The following POLR3B variants were observed in gnomAD, a reference collection of about 807,000 sequenced individuals.
POLR3B encodes the protein DNA-directed RNA polymerase III subunit RPC2.
POLR3B carries 96 observed loss-of-function variants against 147.4 expected under a neutral mutation model. That is an observed-to-expected ratio of 0.65 (90% CI 0.55 to 0.77). The LOEUF is 0.77. Among genes scored for constraint, POLR3B ranks in the 30% least tolerant of loss-of-function variants. The pLI is 0.00. For missense variants in POLR3B, 1,036 were observed against 1,413.5 expected, an observed-to-expected ratio of 0.73 and a Z score of 4.28; for synonymous variants, 461 against 485.9, an observed-to-expected ratio of 0.95 and a Z score of 0.67.
intron 20 of POLR3B, among the ~76,000 whole-genome samples, chr12:106,456,406 C>T (rs371983512): frequency 1.3e-5 from 2 of 152,120 alleles, no homozygotes; most frequent in East Asian, 1.9e-4. Flanking sequence ...GCCTTTCCCT[C>T]ATCCACTAGA....
intron 23 of POLR3B, among the ~76,000 whole-genome samples, chr12:106,464,068 G>T (rs552127175): frequency 2.0e-5 from 3 of 152,072 alleles, no homozygotes; most frequent in South Asian, 4.1e-4. Context: ...TTCAGACCCC[G>T]CATTTTCAGT....
intron 12 of POLR3B, among the ~76,000 whole-genome samples, chr12:106,426,432 G>A (rs936004233): frequency 1.1e-4 from 16 of 151,816 alleles, no homozygotes; most frequent in African/African-American, 3.6e-4. Flanking sequence ...TGTATTTTTA[G>A]TAGAGACAGG....
At chr12:106,459,436 G>C (rs2037907606) in intron 22 of POLR3B, 68 bp downstream of exon 22, 3 of 887,312 alleles carry the variant, frequency 3.4e-6, no homozygotes, top group Non-Finnish European at 5.8e-6. Context: ...GGAGAAATTC[G>C]AAGTTAGGTC....
intron 1 of POLR3B, among the ~76,000 whole-genome samples, 192 bp from the exon 2 acceptor site, chr12:106,363,678 C>T (rs1041461720): frequency 2.0e-5 from 3 of 152,170 alleles, no homozygotes; most frequent in Non-Finnish European, 2.9e-5. Context: ...GTTTAGGAAA[C>T]CTGTAGTGTA....
chr12:106,419,122 A>G (rs1405686919), intron 12 of POLR3B, among the ~76,000 whole-genome samples: 7 of 152,172 alleles, frequency 4.6e-5, no homozygotes, highest in African/African-American at 1.7e-4. Flanking sequence ...TTCCACAGGA[A>G]GTTGCTGGAA....
intron 12 of POLR3B, among the ~76,000 whole-genome samples, chr12:106,424,341 A>G (rs966237502): frequency 2.6e-5 from 4 of 152,148 alleles, no homozygotes; most frequent in Non-Finnish European, 5.9e-5. Context: ...TTTTTGTGCC[A>G]TTGAAATTGA....
At chr12:106,402,406 A>G (rs1179953523) in intron 10 of POLR3B, among the ~76,000 whole-genome samples, 4 of 152,334 alleles carry the variant, frequency 2.6e-5, no homozygotes, top group East Asian at 1.9e-4. Context: ...TATAGATTCA[A>G]TGCCATCCCC....
chr12:106,477,891 C>CTTTTTTT lies in POLR3B; in HGVS notation c.2713+14295_2713+14301dup, dbSNP rs34915594. The stretch of plus-strand genomic sequence containing the variant: ...CTATTCGGCCATCTTGGCTCCTCCC[C>CTTTTTTT]TTTTTTTTTTTTTTTTTTTTTTTTT... On this transcript the variant is annotated intron_variant, in intron 23 of 27. Transcript: ENST00000228347. 4.8e-3 allele frequency among the ~76,000 whole-genome samples: 337 copies of CTTTTTTT among 70,540 alleles called. 43 individuals are homozygous for CTTTTTTT. The highest frequency in any genetic ancestry group is 0.011 in the South Asian group (16 of 1,444). 46.3% of individuals were successfully genotyped at this position (70,540 alleles called of 152,430 possible). A position where few individuals can be genotyped will look rare whatever the true frequency, so the allele number is the denominator to read the frequency against.
At chr12:106,387,034 A>G (rs1458902986) in intron 9 of POLR3B, among the ~76,000 whole-genome samples, 1 of 152,238 alleles carries the variant, frequency 6.6e-6, no homozygotes, top group Non-Finnish European at 1.5e-5. Flanking sequence ...GTAAATTAAC[A>G]ATATGCATAT....
chr12:106,484,152 A>G (rs1592768336), intron 23 of POLR3B, among the ~76,000 whole-genome samples: 1 of 152,258 alleles, frequency 6.6e-6, no homozygotes, highest in Middle Eastern at 3.4e-3. Context: ...GATGTGAAAG[A>G]AAAACAGGGG....
At chr12:106,358,211 C>G in intron 1 of POLR3B, 1 of 1,411,018 alleles carries the variant, frequency 7.1e-7, no homozygotes. Flanking sequence ...GGTTGGAGCT[C>G]TTCCAGCATA....
chr12:106,369,678 C>A lies in POLR3B; in HGVS notation c.399C>A (p.Ile133=). The change falls in exon 6 of 28, where the codon ATC becomes ATA. Residue 133 remains isoleucine (I), a synonymous_variant. Coordinates refer to ENST00000228347, the MANE Select transcript of POLR3B (RefSeq NM_018082.6). The stretch of plus-strand genomic sequence containing the variant: ...GGATCATCCGCAATGCCTTACCTAT[C>A]GGCAGGTGAGAAATGAAATCCGTAT... ...SQRIIRNALP[I]GRMPIMLRSS... 1.9e-6 allele frequency: 3 copies of A among 1,599,066 alleles called. No individual in the cohort carries two copies. Among genetic ancestry groups the A allele is most frequent in the Non-Finnish European group, 1.7e-6 (2 of 1,166,472 alleles).
intron 9 of POLR3B, among the ~76,000 whole-genome samples, chr12:106,385,350 G>A (rs901293048): frequency 2.0e-5 from 3 of 152,146 alleles, no homozygotes; most frequent in Non-Finnish European, 4.4e-5. Flanking sequence ...TTGATAACCA[G>A]TTTAGTTGAA....
chr12:106,410,702 T>C, intron 11 of POLR3B, 124 bp from the exon 12 acceptor site: 1 of 852,498 alleles, frequency 1.2e-6, no homozygotes, highest in Admixed American at 2.1e-5. Context: ...TTTATTTGAA[T>C]GGAGAGAATC....
At chr12:106,434,389 G>A (rs1231677483) in intron 16 of POLR3B, among the ~76,000 whole-genome samples, 1 of 152,118 alleles carries the variant, frequency 6.6e-6, no homozygotes, top group African/African-American at 2.4e-5. Context: ...TTTAAAGGAG[G>A]AGTAGGATTG....
intron 23 of POLR3B, among the ~76,000 whole-genome samples, chr12:106,490,409 G>A (rs1316352085): frequency 6.6e-6 from 1 of 152,196 alleles, no homozygotes; most frequent in African/African-American, 2.4e-5. Flanking sequence ...TGGGAAAGCC[G>A]TGTAAAAACT....
rs200535633 is a variant in POLR3B, at chr12:106,417,831, T to TA, written c.1101+6879dup. On this transcript the variant is annotated intron_variant, in intron 12 of 27. Transcript: ENST00000228347. ...AAACCATGGTGTTAAATGAGTCCAT[T>TA]AAAAAAAAGTTGATTGTTTAGAGGA... Among the ~76,000 whole-genome samples, 885 of 151,882 alleles carry TA rather than the reference T, an allele frequency of 5.8e-3. 11 individuals are homozygous for TA. The highest frequency in any genetic ancestry group is 0.038 in the East Asian group (198 of 5,166).
chr12:106,461,021 T>C (rs2037925977), intron 22 of POLR3B, among the ~76,000 whole-genome samples: 1 of 152,054 alleles, frequency 6.6e-6, no homozygotes, highest in Non-Finnish European at 1.5e-5. Context: ...GCCTCTTACC[T>C]ACCTCCTCAT....
chr12:106,368,446 C>T (rs2036560817), intron 4 of POLR3B, among the ~76,000 whole-genome samples: 1 of 152,064 alleles, frequency 6.6e-6, no homozygotes. Context: ...TTCAGTTCGA[C>T]ACTGCAGGAC....
Sources: allele counts gnomAD v4.1 joint callset (sites outside exome capture counted in the v4.1 genomes callset), GRCh38; gene constraint gnomAD v4.1.1; transcripts MANE v1.5; gene names NCBI Gene and HGNC (gene_info 2026-07-23, HGNC 2026-07-21).